The following RSPRY1 variants were observed in gnomAD, a reference collection of about 807,000 sequenced individuals.
RSPRY1 encodes the protein ring finger and SPRY domain containing 1, also known as RING finger and SPRY domain-containing protein 1.
Under a neutral mutation model 73.1 loss-of-function variants are expected in RSPRY1, and 23 were observed. That is an observed-to-expected ratio of 0.31 (90% CI 0.23 to 0.45). RSPRY1 has a LOEUF of 0.45. Ranked by LOEUF, RSPRY1 falls within the 20% of genes least tolerant of loss-of-function variation. RSPRY1 has a pLI of 1.00. For synonymous variants in RSPRY1, 226 were observed against 251.4 expected (o/e 0.90, Z 0.95); for missense variants, 448 against 698.7 (o/e 0.64, Z 4.05).
At chr16:57,192,154 A>G (rs1030831768) in intron 1 of RSPRY1, among the ~76,000 whole-genome samples, 2 of 152,240 alleles carry the variant, frequency 1.3e-5, no homozygotes, top group East Asian at 1.9e-4. Context: ...AGTATGCAGT[A>G]TGAGTGTTTT....
At chr16:57,189,597 T>TC (rs1319008260) in intron 1 of RSPRY1, among the ~76,000 whole-genome samples, 3 of 146,854 alleles carry the variant, frequency 2.0e-5, no homozygotes, top group Middle Eastern at 3.2e-3. Flanking sequence ...TCTTTTCTTT[T>TC]TTTTTTTTTT....
At chr16:57,216,266 C>A in intron 7 of RSPRY1, 93 bp downstream of exon 7, 2 of 908,908 alleles carry the variant, frequency 2.2e-6, no homozygotes, top group Non-Finnish European at 3.6e-6. Flanking sequence ...ACACTTTGAA[C>A]CCCATCAGAT....
intron 1 of RSPRY1, among the ~76,000 whole-genome samples, chr16:57,194,476 A>G (rs2074403973): frequency 1.3e-5 from 2 of 152,192 alleles, no homozygotes; most frequent in Non-Finnish European, 2.9e-5. Flanking sequence ...ACTTAGGGAA[A>G]AATCCGAAAA....
In RSPRY1 at chr16:57,221,395, G is replaced by A; in HGVS notation, c.1141G>A (p.Asp381Asn). 6.2e-7 allele frequency: 1 copy of A among 1,613,904 alleles called. No homozygotes were observed. The highest frequency in any genetic ancestry group is 8.5e-7 in the Non-Finnish European group (1 of 1,179,918). ...GVMQIGWATRDSKFLNHEGYG... is the reference protein window; with the variant it reads ...GVMQIGWATRNSKFLNHEGYG... ...CATGCAGATTGGCTGGGCCACTCGA[G>A]ACAGCAAATTCCTCAATCATGTGAG... Residue 381 changes from aspartate (D) to asparagine (N), a missense_variant, in exon 10 of 15, where the codon GAC (aspartate) becomes AAC (asparagine). Coordinates refer to ENST00000394420, the MANE Select transcript of RSPRY1 (RefSeq NM_133368.3).
At chr16:57,220,983 A>G (rs1348919488) in intron 9 of RSPRY1, 136 bp downstream of exon 9, 16 of 690,674 alleles carry the variant, frequency 2.3e-5, no homozygotes, top group Non-Finnish European at 3.7e-5. Flanking sequence ...TTCAGGGGGA[A>G]GTCTCAAAGA....
intron 14 of RSPRY1, among the ~76,000 whole-genome samples, chr16:57,236,775 A>C (rs1051730199): frequency 6.6e-6 from 1 of 152,228 alleles, no homozygotes; most frequent in South Asian, 2.1e-4. Flanking sequence ...TTTTTTATGA[A>C]TATAAATCTA....
In RSPRY1 at chr16:57,216,132, T is replaced by C; in HGVS notation, c.728T>C (p.Met243Thr). Residue 243 changes from methionine to threonine, a missense_variant, in exon 7 of 15, where the codon ATG (methionine) becomes ACG (threonine). Coordinates refer to ENST00000394420, the MANE Select transcript of RSPRY1 (RefSeq NM_133368.3). The stretch of plus-strand genomic sequence containing the variant: ...AAGTTACAGTCCCACCCCACAGTCA[T>C]GCTTTTTGCACTTATCGCACTGGAA... ...CLKLQSHPTV[M>T]LFALIALEKF... 6.2e-7 allele frequency: 1 copy of C among 1,611,262 alleles called. No individual in the cohort carries two copies. Among genetic ancestry groups the C allele is most frequent in the South Asian group, 1.1e-5 (1 of 91,012 alleles).
chr16:57,197,878 C>T (rs1279400472), intron 1 of RSPRY1, among the ~76,000 whole-genome samples: 1 of 152,018 alleles, frequency 6.6e-6, no homozygotes, highest in African/African-American at 2.4e-5. Flanking sequence ...TGTGCACTAC[C>T]ATGCCCAGCT....
intron 1 of RSPRY1, among the ~76,000 whole-genome samples, chr16:57,200,870 G>A (rs1213545331): frequency 5.0e-5 from 7 of 140,680 alleles, no homozygotes; most frequent in Admixed American, 2.1e-4. Flanking sequence ...GCGGCTGGCC[G>A]GGCAGAGGGG....
intron 6 of RSPRY1, among the ~76,000 whole-genome samples, chr16:57,214,643 T>C (rs1410657950): frequency 6.6e-6 from 1 of 152,262 alleles, no homozygotes; most frequent in African/African-American, 2.4e-5. Context: ...TCAAGAGGTT[T>C]ATTGGTTAGT....
chr16:57,193,716 G>A (rs563337197), intron 1 of RSPRY1, among the ~76,000 whole-genome samples: 24 of 152,086 alleles, frequency 1.6e-4, no homozygotes, highest in Non-Finnish European at 2.9e-4. Context: ...TCTTGATAGG[G>A]TTTGAGTCAC....
At chr16:57,231,469 A>T in intron 13 of RSPRY1, 150 bp downstream of exon 13, 1 of 786,642 alleles carries the variant, frequency 1.3e-6, no homozygotes, top group Non-Finnish European at 2.0e-6. Context: ...AATTTCTAAG[A>T]TCGCAGAAGA....
At chr16:57,209,784 C>T (rs2146271168) in intron 4 of RSPRY1, among the ~76,000 whole-genome samples, 1 of 152,292 alleles carries the variant, frequency 6.6e-6, no homozygotes, top group African/African-American at 2.4e-5. Flanking sequence ...AGGTGATCCT[C>T]CCACCTCAGC....
intron 1 of RSPRY1, among the ~76,000 whole-genome samples, chr16:57,187,977 C>T (rs1232709410): frequency 6.6e-6 from 1 of 152,168 alleles, no homozygotes; most frequent in Non-Finnish European, 1.5e-5. Flanking sequence ...ACATTGTAAA[C>T]CTCCTCCCCC....
chr16:57,195,782 G>A (rs141839474), intron 1 of RSPRY1, among the ~76,000 whole-genome samples: 2 of 151,614 alleles, frequency 1.3e-5, no homozygotes, highest in East Asian at 3.9e-4. Flanking sequence ...CAGCACTTTG[G>A]GAGGCTGAAG....
intron 12 of RSPRY1, 31 bp downstream of exon 12, chr16:57,230,844 G>C: frequency 8.0e-7 from 1 of 1,253,674 alleles, no homozygotes; most frequent in African/African-American, 1.5e-5. Flanking sequence ...AAAAATTCGA[G>C]TAGATGCACG....
chr16:57,234,710 T>C (rs1257988146), intron 13 of RSPRY1, among the ~76,000 whole-genome samples: 1 of 152,270 alleles, frequency 6.6e-6, no homozygotes, highest in African/African-American at 2.4e-5. Context: ...TGAACTGTTA[T>C]AAACCCCTTG....
chr16:57,205,517 C>T (rs1348690232), intron 2 of RSPRY1, among the ~76,000 whole-genome samples: 1 of 152,162 alleles, frequency 6.6e-6, no homozygotes, highest in African/African-American at 2.4e-5. Context: ...ATTTAGGAAG[C>T]TTGTCAGTTG....
intron 14 of RSPRY1, 78 bp downstream of exon 14, chr16:57,235,306 G>C: frequency 1.9e-6 from 2 of 1,043,704 alleles, no homozygotes; most frequent in Non-Finnish European, 3.0e-6. Flanking sequence ...AGGGTTTATT[G>C]TATCTAAAGC....
Sources: allele counts gnomAD v4.1 joint callset (sites outside exome capture counted in the v4.1 genomes callset), GRCh38; gene constraint gnomAD v4.1.1; transcripts MANE v1.5; gene names NCBI Gene and HGNC (gene_info 2026-07-23, HGNC 2026-07-21).